BRINP1: variants seen among roughly 807,000 people sequenced by gnomAD.
The protein encoded by BRINP1 is BMP/retinoic acid-inducible neural-specific protein 1.
BRINP1 carries 17 observed loss-of-function variants against 72.9 expected under a neutral mutation model. The ratio of observed to expected loss-of-function variants is 0.23; its 90% CI spans 0.16 to 0.35. BRINP1 has a LOEUF of 0.35. Ranked by LOEUF, BRINP1 falls within the 10% of genes least tolerant of loss-of-function variation. BRINP1 has a pLI of 1.00. For synonymous variants in BRINP1, 418 were observed against 378.5 expected (o/e 1.10, Z -1.21); for missense variants, 850 against 1,001.6 (o/e 0.85, Z 2.04).
chr9:119,282,889 A>G (rs1423029713), intron 2 of BRINP1: 6 of 985,304 alleles, frequency 6.1e-6, no homozygotes, highest in African/African-American at 1.7e-5. Flanking sequence ...TTCCCTGTGT[A>G]CCGCAAACAC....
intron 1 of BRINP1, among the ~76,000 whole-genome samples, chr9:119,332,794 G>A (rs1042893565): frequency 6.6e-6 from 1 of 152,190 alleles, no homozygotes; most frequent in African/African-American, 2.4e-5. Context: ...GGTTAGGTCA[G>A]CTGGCCCTAG....
At chr9:119,195,231 C>A (rs1829724558) in intron 7 of BRINP1, among the ~76,000 whole-genome samples, 1 of 152,218 alleles carries the variant, frequency 6.6e-6, no homozygotes, top group East Asian at 1.9e-4. Context: ...CCACTTGTAT[C>A]CCGCCTGGCA....
chr9:119,226,260 T>A (rs1830091547), intron 5 of BRINP1, among the ~76,000 whole-genome samples: 1 of 152,042 alleles, frequency 6.6e-6, no homozygotes, highest in African/African-American at 2.4e-5. Context: ...GTCAATAAAC[T>A]AATTATCATG....
chr9:119,226,953 C>A (rs1275287641), intron 5 of BRINP1, among the ~76,000 whole-genome samples: 1 of 151,858 alleles, frequency 6.6e-6, no homozygotes, highest in Admixed American at 6.6e-5. Context: ...CAAATTCCTG[C>A]TCTAAAAGGT....
intron 6 of BRINP1, among the ~76,000 whole-genome samples, chr9:119,211,078 G>T (rs537414641): frequency 7.9e-5 from 12 of 152,262 alleles, no homozygotes; most frequent in Admixed American, 3.9e-4. Context: ...AGAGGGCTCC[G>T]TGGATGTCAA....
intron 7 of BRINP1, among the ~76,000 whole-genome samples, chr9:119,184,142 C>T (rs1829588359): frequency 6.6e-6 from 1 of 152,184 alleles, no homozygotes; most frequent in Non-Finnish European, 1.5e-5. Flanking sequence ...TGCTTATTTT[C>T]TTGCCTTGCA....
chr9:119,338,847 C>T (rs10119872), intron 1 of BRINP1, among the ~76,000 whole-genome samples: 3,883 of 150,656 alleles, frequency 0.026, 191 homozygotes, highest in African/African-American at 0.09. Flanking sequence ...ATCACACCAC[C>T]GCACTCCAGC....
chr9:119,210,252 GA>G (rs34908656), intron 6 of BRINP1, among the ~76,000 whole-genome samples: 1 of 152,026 alleles, frequency 6.6e-6, no homozygotes, highest in Non-Finnish European at 1.5e-5. Context: ...CATTTTGTAG[GA>G]AAAAAGGCCA....
At chr9:119,299,012 G>A (rs1197067073) in intron 2 of BRINP1, among the ~76,000 whole-genome samples, 4 of 151,842 alleles carry the variant, frequency 2.6e-5, no homozygotes, top group Non-Finnish European at 5.9e-5. Flanking sequence ...ATACATTGAG[G>A]AATGGCTCAA....
intron 2 of BRINP1, among the ~76,000 whole-genome samples, chr9:119,253,208 T>C (rs1156999167): frequency 6.6e-6 from 1 of 152,054 alleles, no homozygotes; most frequent in African/African-American, 2.4e-5. Flanking sequence ...ATATGGAGGT[T>C]CCTCAAAAAA....
chr9:119,263,601 C>CTTTTTTTTTTTTTTTT (rs386416080), intron 2 of BRINP1, among the ~76,000 whole-genome samples: 8 of 78,560 alleles, frequency 1.0e-4, no homozygotes, highest in Admixed American at 2.2e-4. Context: ...GTAAACAATT[C>CTTTTTTTTTTTTTTTT]TTTTTTTTTT....
intron 6 of BRINP1, among the ~76,000 whole-genome samples, chr9:119,211,414 C>T (rs1046057622): frequency 2.0e-5 from 3 of 152,168 alleles, no homozygotes; most frequent in Admixed American, 6.5e-5. Context: ...TCAGGCTGGT[C>T]TCGAACTCCT....
At chr9:119,235,279 T>G (rs1221186940) in intron 5 of BRINP1, among the ~76,000 whole-genome samples, 3 of 152,240 alleles carry the variant, frequency 2.0e-5, no homozygotes, top group Non-Finnish European at 4.4e-5. Context: ...ATTAATGTGC[T>G]GCAGAAGCCT....
In BRINP1 at chr9:119,330,603, G is replaced by C. The variant is rs556011586; in HGVS notation, c.-50-17198C>G. The stretch of plus-strand genomic sequence containing the variant: ...GACATTTATGTTTCTGAGACTGAAT[G>C]ATGAGCATCCTAAAGGTAAGGCCCA... On this transcript the variant is annotated intron_variant, in intron 1 of 7. Transcript: ENST00000265922. Among the ~76,000 whole-genome samples the C allele has an allele frequency of 3.9e-5, 6 of 152,292 alleles. No homozygotes were observed. In the South Asian group the frequency reaches 8.3e-4, roughly 21 times the overall value.
At chr9:119,199,946 G>A (rs1252387220) in intron 7 of BRINP1, among the ~76,000 whole-genome samples, 1 of 152,018 alleles carries the variant, frequency 6.6e-6, no homozygotes, top group African/African-American at 2.4e-5. Context: ...TCAGTTTACT[G>A]GCCTGAATTT....
intron 2 of BRINP1, among the ~76,000 whole-genome samples, chr9:119,273,015 G>A (rs1830623254): frequency 6.6e-6 from 1 of 152,126 alleles, no homozygotes. Context: ...CTGAAATCAG[G>A]CCAGCAGCCA....
At chr9:119,255,528 G>A (rs1300833776) in intron 2 of BRINP1, among the ~76,000 whole-genome samples, 1 of 152,156 alleles carries the variant, frequency 6.6e-6, no homozygotes, top group Non-Finnish European at 1.5e-5. Context: ...TTTCTTTTTA[G>A]AGCAAAGTAT....
chr9:119,243,639 A>G (rs1053133523), intron 3 of BRINP1, among the ~76,000 whole-genome samples: 2 of 152,202 alleles, frequency 1.3e-5, no homozygotes, highest in African/African-American at 4.8e-5. Context: ...ACTCTCTTCT[A>G]CAATGGTTGA....
chr9:119,316,583 G>A (rs1831127209), intron 1 of BRINP1, among the ~76,000 whole-genome samples: 2 of 152,016 alleles, frequency 1.3e-5, no homozygotes, highest in African/African-American at 4.8e-5. Flanking sequence ...GGGCCCTTAA[G>A]AGTATGCTAA....
Sources: gnomAD v4.1 joint callset for allele counts (sites outside exome capture counted in the v4.1 genomes callset) on GRCh38, gnomAD v4.1.1 for gene constraint, MANE v1.5 for transcripts, NCBI Gene and HGNC (gene_info 2026-07-23, HGNC 2026-07-21) for gene names.